The following STAG1 variants were observed in gnomAD, a reference collection of about 807,000 sequenced individuals.
STAG1 encodes STAG1 cohesin complex component.
In STAG1, 26 loss-of-function variants were observed where a neutral mutation model predicts 170.9. That is an observed-to-expected ratio of 0.15 (90% CI 0.11 to 0.21). The LOEUF (loss-of-function observed/expected upper bound fraction) is 0.21, where lower values mean the gene tolerates loss of function less well. STAG1 is among the 10% of genes least tolerant of loss of function. STAG1 has a pLI of 1.00. For missense variants in STAG1, 964 were observed against 1,509.5 expected, an observed-to-expected ratio of 0.64 and a Z score of 5.99; for synonymous variants, 514 against 497.7, an observed-to-expected ratio of 1.03 and a Z score of -0.44.
chr3:136,425,834 A>G (rs1257038593), intron 16 of STAG1, among the ~76,000 whole-genome samples: 3 of 151,410 alleles, frequency 2.0e-5, no homozygotes, highest in Non-Finnish European at 4.4e-5. Context: ...AGAAATTAGT[A>G]TGAAGGGGCT....
chr3:136,376,950 C>T (rs2108306657), intron 23 of STAG1, among the ~76,000 whole-genome samples: 1 of 151,648 alleles, frequency 6.6e-6, no homozygotes, highest in East Asian at 2.0e-4. Flanking sequence ...GCCACCATGC[C>T]CGGCTAATTT....
chr3:136,660,668 T>G (rs376178734), intron 1 of STAG1, among the ~76,000 whole-genome samples: 49 of 152,152 alleles, frequency 3.2e-4, no homozygotes, highest in African/African-American at 9.2e-4. Context: ...AGGGAGAATT[T>G]TTTTTAAACC....
At chr3:136,675,569 TA>T (rs1942106246) in intron 1 of STAG1, among the ~76,000 whole-genome samples, 2 of 152,224 alleles carry the variant, frequency 1.3e-5, no homozygotes, top group South Asian at 4.1e-4. Flanking sequence ...TCACGTGCTA[TA>T]AAATTCACCC....
chr3:136,705,656 C>G (rs1943208850), intron 1 of STAG1, among the ~76,000 whole-genome samples: 1 of 152,098 alleles, frequency 6.6e-6, no homozygotes, highest in Admixed American at 6.6e-5. Context: ...CTTTCCTGCA[C>G]ATGCTCTCTT....
chr3:136,708,528 A>G (rs1361694156), intron 1 of STAG1, among the ~76,000 whole-genome samples: 2 of 152,140 alleles, frequency 1.3e-5, no homozygotes, highest in African/African-American at 2.4e-5. Context: ...TAATGAAAAC[A>G]TTTTGAAACT....
Position 136,543,722 on chromosome 3 carries a change from C to T in STAG1, c.395-1527G>A, listed in dbSNP as rs75607396. 2.1e-3 allele frequency among the ~76,000 whole-genome samples: 314 copies of T among 152,248 alleles called. 11 individuals carry two copies. The East Asian group carries it at 0.054, about 26-fold the overall frequency. On this transcript the variant is annotated intron_variant, in intron 5 of 33. Transcript: ENST00000383202. ...GATAATATCACTGCAGAGCAGAGAG[C>T]CTTTCTTCAATGTTCTAACTGCTAC...
chr3:136,701,528 A>C (rs1240187969), intron 1 of STAG1, among the ~76,000 whole-genome samples: 1 of 152,178 alleles, frequency 6.6e-6, no homozygotes, highest in Non-Finnish European at 1.5e-5. Flanking sequence ...TCAGTAAAAT[A>C]AAAAATAAGA....
At chr3:136,698,863 C>T (rs1407690401) in intron 1 of STAG1, among the ~76,000 whole-genome samples, 1 of 152,056 alleles carries the variant, frequency 6.6e-6, no homozygotes, top group Non-Finnish European at 1.5e-5. Flanking sequence ...ATATATACAC[C>T]ATAAAATACT....
chr3:136,342,271 G>A (rs901156284), intron 30 of STAG1, among the ~76,000 whole-genome samples: 1 of 151,764 alleles, frequency 6.6e-6, no homozygotes, highest in African/African-American at 2.4e-5. Context: ...CACTTGCCTC[G>A]GCCTCCCAAA....
At chr3:136,355,257 C>T (rs1936602121) in intron 28 of STAG1, among the ~76,000 whole-genome samples, 1 of 143,906 alleles carries the variant, frequency 6.9e-6, no homozygotes, top group African/African-American at 2.6e-5. Context: ...AAGGCTGAGG[C>T]AGGAGAATCG....
chr3:136,737,001 C>A, intron 1 of STAG1: 1 of 1,591,580 alleles, frequency 6.3e-7, no homozygotes, highest in Non-Finnish European at 8.6e-7. Flanking sequence ...CAGGATGCAC[C>A]AAGATGGATA....
intron 6 of STAG1, among the ~76,000 whole-genome samples, chr3:136,538,872 C>T (rs1396668419): frequency 6.6e-6 from 1 of 152,094 alleles, no homozygotes; most frequent in Admixed American, 6.5e-5. Flanking sequence ...GCGGTGCTCA[C>T]GCCTGTAATC....
chr3:136,465,219 C>A (rs868539654), intron 12 of STAG1, among the ~76,000 whole-genome samples: 2 of 135,578 alleles, frequency 1.5e-5, no homozygotes, highest in Middle Eastern at 3.8e-3. Context: ...AATTCTTCTA[C>A]AGCTTTTTTT....
chr3:136,543,764 T>TA (rs1418998743), intron 5 of STAG1, among the ~76,000 whole-genome samples: 1 of 152,224 alleles, frequency 6.6e-6, no homozygotes, highest in African/African-American at 2.4e-5. Flanking sequence ...GAACATTACT[T>TA]AGCACATGGG....
intron 7 of STAG1, among the ~76,000 whole-genome samples, chr3:136,506,474 T>C (rs890671489): frequency 3.2e-5 from 1 of 30,832 alleles, no homozygotes; most frequent in African/African-American, 2.1e-4. Context: ...CTACTAAAAA[T>C]ACAAAAAAAA....
At chr3:136,674,189 G>A (rs1240079776) in intron 1 of STAG1, among the ~76,000 whole-genome samples, 1 of 116,656 alleles carries the variant, frequency 8.6e-6, no homozygotes, top group African/African-American at 3.5e-5. Context: ...GAGGGAGGGA[G>A]GGAAGGAGGG....
chr3:136,667,913 C>A (rs555859546), intron 1 of STAG1, among the ~76,000 whole-genome samples: 213 of 152,166 alleles, frequency 1.4e-3, no homozygotes, highest in Non-Finnish European at 2.2e-3. Flanking sequence ...CCTGGCCGGG[C>A]ATGGTGGCTC....
intron 3 of STAG1, among the ~76,000 whole-genome samples, chr3:136,613,413 T>C (rs1352706822): frequency 2.0e-5 from 3 of 151,942 alleles, no homozygotes; most frequent in East Asian, 3.8e-4. Flanking sequence ...GCCATTCTAA[T>C]AGGCATGTAG....
chr3:136,383,782 C>T (rs191434479), intron 22 of STAG1, among the ~76,000 whole-genome samples: 130 of 151,806 alleles, frequency 8.6e-4, no homozygotes, highest in Middle Eastern at 3.4e-3. Context: ...GGTGAAACCC[C>T]GTCTCTACTA....
Sources: allele counts gnomAD v4.1 joint callset (sites outside exome capture counted in the v4.1 genomes callset), GRCh38; gene constraint gnomAD v4.1.1; transcripts MANE v1.5; gene names NCBI Gene and HGNC (gene_info 2026-07-23, HGNC 2026-07-21).